Variants in PBX3 observed in about 807,000 individuals in gnomAD.
PBX3 encodes the protein pre-B-cell leukemia transcription factor 3.
In PBX3, 14 loss-of-function variants were observed where a neutral mutation model predicts 48.5. The ratio of observed to expected loss-of-function variants is 0.29; its 90% CI spans 0.19 to 0.45. The LOEUF (loss-of-function observed/expected upper bound fraction) is 0.45, where lower values mean the gene tolerates loss of function less well. Ranked by LOEUF, PBX3 falls within the 20% of genes least tolerant of loss-of-function variation. The pLI, the probability that PBX3 is intolerant of heterozygous loss-of-function variation, is 1.00. For missense variants in PBX3, 386 were observed against 546.7 expected (o/e 0.71, Z 2.93); for synonymous variants, 210 against 200.3 (o/e 1.05, Z -0.41).
At chr9:125,847,736 C>A (rs1181916084) in intron 2 of PBX3, among the ~76,000 whole-genome samples, 3 of 136,196 alleles carry the variant, frequency 2.2e-5, no homozygotes, top group African/African-American at 8.2e-5. Context: ...TTTTTTTTAA[C>A]TGTGTTTCAA....
rs115431152 is a variant in PBX3 at position 125,965,904 on chromosome 9, A to G, written c.1286A>G (p.His429Arg). 11 of 1,613,688 alleles carry G rather than the reference A, an allele frequency of 6.8e-6. No individual in the cohort carries two copies. The highest frequency in any genetic ancestry group is 1.7e-5 in the Admixed American group (1 of 60,010). The change falls in exon 9 of 9, where the codon CAC becomes CGC. Residue 429 changes from histidine (H) to arginine (R), a missense_variant. By Grantham distance (29) the His-to-Arg change is conservative (BLOSUM62 0). Around this residue, in one of 4 missense-constraint regions of PBX3, gnomAD observed 127 missense variants for 143.3 expected, o/e 0.89. Transcript: ENST00000373489. The stretch of plus-strand genomic sequence containing the variant: ...CCTACAGAAGGCCCAGGAAGTGTGC[A>G]CTCGGATACCTCTAACTAATCTCTG... The part of the protein sequence containing the change: ...TSPTEGPGSV[H>R]SDTSN
At chr9:125,953,370 A>T (rs1263327772) in intron 5 of PBX3, among the ~76,000 whole-genome samples, 1 of 151,980 alleles carries the variant, frequency 6.6e-6, no homozygotes, top group Admixed American at 6.6e-5. Context: ...GCAGCTACTC[A>T]GGAGGCTGAG....
Position 125,904,995 on chromosome 9 carries a change from A to G in PBX3, c.275-10691A>G, listed in dbSNP as rs541724050. Among the ~76,000 whole-genome samples, 15 of 152,080 alleles carry G rather than the reference A, an allele frequency of 9.9e-5. No individual in the cohort carries two copies. In the South Asian group the frequency reaches 3.1e-3, roughly 31 times the overall value. On this transcript the variant is annotated intron_variant, in intron 2 of 8. Transcript: ENST00000373489. ...TTTACCACTAAAACACCCAGTTCAAAATCAGGTCTCTTTAGGTAATTTTGA... is the reference window on the plus strand; with the variant it reads ...TTTACCACTAAAACACCCAGTTCAAGATCAGGTCTCTTTAGGTAATTTTGA...
chr9:125,885,887 A>T (rs980626306), intron 2 of PBX3, among the ~76,000 whole-genome samples: 2 of 152,074 alleles, frequency 1.3e-5, no homozygotes, highest in African/African-American at 4.8e-5. Context: ...GGCCTGTGTT[A>T]AATATTAAAA....
At chr9:125,961,184 T>G (rs781358426) in intron 6 of PBX3, among the ~76,000 whole-genome samples, 12 of 152,242 alleles carry the variant, frequency 7.9e-5, no homozygotes, top group South Asian at 2.1e-4. Flanking sequence ...TAGTGGTCTG[T>G]GGAGAGTGAA....
intron 2 of PBX3, among the ~76,000 whole-genome samples, chr9:125,780,130 A>G (rs1222729053): frequency 8.1e-6 from 1 of 123,416 alleles, no homozygotes; most frequent in African/African-American, 3.1e-5. Flanking sequence ...ACTTCCCAGT[A>G]GGGGCGGCCG....
intron 2 of PBX3, among the ~76,000 whole-genome samples, chr9:125,795,401 G>A (rs1311797783): frequency 1.3e-5 from 2 of 152,116 alleles, no homozygotes; most frequent in Non-Finnish European, 2.9e-5. Context: ...TCAGAATTTA[G>A]GAAAAGAGGT....
intron 2 of PBX3, among the ~76,000 whole-genome samples, chr9:125,780,764 G>A (rs1400266113): frequency 5.0e-5 from 7 of 138,714 alleles, no homozygotes; most frequent in Non-Finnish European, 1.1e-4. Context: ...GCGGCTGGCC[G>A]GGCGGGGGGC....
chr9:125,902,921 A>G (rs184035159), intron 2 of PBX3, among the ~76,000 whole-genome samples: 4 of 151,898 alleles, frequency 2.6e-5, no homozygotes, highest in African/African-American at 4.8e-5. Context: ...AAATTAAATT[A>G]TGCTTTTTAT....
chr9:125,819,899 A>C (rs529160485), intron 2 of PBX3, among the ~76,000 whole-genome samples: 38 of 152,256 alleles, frequency 2.5e-4, no homozygotes, highest in African/African-American at 9.1e-4. Context: ...TGCCACATTT[A>C]ATTAGTTATC....
intron 2 of PBX3, among the ~76,000 whole-genome samples, chr9:125,836,876 G>T (rs6478714): frequency 0.055 from 8,333 of 152,168 alleles, 745 homozygotes; most frequent in African/African-American, 0.19. Context: ...AGATCAAAAA[G>T]TATGATAACA....
intron 1 of PBX3, chr9:125,748,155 T>C (rs1836254932): frequency 7.5e-6 from 6 of 802,778 alleles, no homozygotes; most frequent in Non-Finnish European, 9.1e-6. Context: ...CTTGCAAACT[T>C]TGCCGAGCTG....
rs1017823180 is a variant in PBX3 at position 125,781,248 on chromosome 9, C to G, written c.274+32625C>G. On this transcript the variant is annotated intron_variant, in intron 2 of 8. Coordinates refer to ENST00000373489, the MANE Select transcript of PBX3 (RefSeq NM_006195.6). ...GGGCACCATTGAGCACTGAGTGAAC[C>G]AGACTCCGTCTGTAATCCCGGCACC... Among the ~76,000 whole-genome samples the G allele has an allele frequency of 1.5e-4, 22 of 151,448 alleles. No homozygotes were observed. The South Asian group carries it at 2.3e-3, about 16-fold the overall frequency.
At chr9:125,756,125 G>T (rs1836513225) in intron 2 of PBX3, among the ~76,000 whole-genome samples, 1 of 152,044 alleles carries the variant, frequency 6.6e-6, no homozygotes, top group Non-Finnish European at 1.5e-5. Context: ...ATTCTGACTT[G>T]AATCCATAAA....
intron 2 of PBX3, among the ~76,000 whole-genome samples, chr9:125,783,153 C>T (rs1029871569): frequency 1.3e-5 from 2 of 152,116 alleles, no homozygotes; most frequent in Non-Finnish European, 2.9e-5. Flanking sequence ...CTTTCTGTCT[C>T]TCCTTTCTTT....
chr9:125,927,329 T>C (rs1420533965), intron 3 of PBX3, among the ~76,000 whole-genome samples: 2 of 152,232 alleles, frequency 1.3e-5, no homozygotes, highest in African/African-American at 4.8e-5. Flanking sequence ...GCTTAAAACA[T>C]ATTTTTGAAA....
At chr9:125,812,799 G>A (rs1044569999) in intron 2 of PBX3, among the ~76,000 whole-genome samples, 3 of 152,228 alleles carry the variant, frequency 2.0e-5, no homozygotes, top group Admixed American at 6.5e-5. Flanking sequence ...AGTCCATACA[G>A]CATGTTATGT....
At chr9:125,874,429 TCAAAA>T (rs750694970) in intron 2 of PBX3, among the ~76,000 whole-genome samples, 35 of 152,144 alleles carry the variant, frequency 2.3e-4, no homozygotes, top group Admixed American at 5.2e-4. Context: ...ATGGAAAAAC[TCAAAA>T]CAAAATGTTG....
intron 2 of PBX3, among the ~76,000 whole-genome samples, chr9:125,877,869 A>G (rs889194368): frequency 1.3e-5 from 2 of 152,208 alleles, no homozygotes; most frequent in South Asian, 2.1e-4. Flanking sequence ...ATTTGATGAG[A>G]TATGAGAATT....
Sources: gnomAD v4.1 joint callset for allele counts (sites outside exome capture counted in the v4.1 genomes callset) on GRCh38, gnomAD v4.1.1 for gene constraint, gnomAD v4.1.1 regional missense constraint, MANE v1.5 for transcripts, NCBI Gene and HGNC (gene_info 2026-07-23, HGNC 2026-07-21) for gene names.